Variants in FASN observed in about 807,000 individuals in gnomAD.
FASN encodes fatty acid synthase.
A neutral mutation model predicts 250.0 loss-of-function variants in FASN; 50 were observed. That is an observed-to-expected ratio of 0.20 (90% CI 0.16 to 0.25). The LOEUF (loss-of-function observed/expected upper bound fraction) is 0.25, where lower values mean the gene tolerates loss of function less well. Ranked by LOEUF, FASN falls within the 10% of genes least tolerant of loss-of-function variation. The probability of loss-of-function intolerance (pLI) is 1.00; values close to 1 mark genes in which losing one functional copy is unlikely to be tolerated. For synonymous variants in FASN, 1,909 were observed against 1,584.0 expected (o/e 1.21, Z -4.87); for missense variants, 3,031 against 3,498.5 (o/e 0.87, Z 3.37).
rs1568111586 is a variant in FASN at position 82,087,461 on chromosome 17, G to A, written c.3087C>T (p.Phe1029=). The change falls in exon 20 of 43, where the codon TTC becomes TTT. Residue 1029 remains phenylalanine, a synonymous_variant. Coordinates refer to ENST00000306749, the MANE Select transcript of FASN (RefSeq NM_004104.5). ...RLLWKDNWVS[F]MDTMLQMSIL... ...TGGACATCTGCAGCATGGTGTCCAT[G>A]AAGCTCACCCAGTTATCCTTCCACA... 1.9e-6 allele frequency: 3 copies of A among 1,612,684 alleles called. No individual in the cohort carries two copies. Among genetic ancestry groups the A allele is most frequent in the Non-Finnish European group, 2.5e-6 (3 of 1,180,014 alleles).
chr17:82,087,236 T>C lies in FASN; in HGVS notation c.3241A>G (p.Ser1081Gly), dbSNP rs1568111313. ...GCCACTGTGACCCTCAGCCACCTGC[T>C]CACCACCACGTCAGCCACTGTGGGG... ...DKAQVADVVVSRWLRVTVAGG... is the reference protein window; with the variant it reads ...DKAQVADVVVGRWLRVTVAGG... The change falls in exon 21 of 43, where the codon AGC (serine) becomes GGC (glycine). Residue 1081 changes from serine (S) to glycine (G), a missense_variant. Transcript: ENST00000306749. 1.2e-6 allele frequency: 2 copies of C among 1,606,484 alleles called. No individual in the cohort carries two copies. Among genetic ancestry groups the C allele is most frequent in the East Asian group, 2.2e-5 (1 of 44,610 alleles).
At position 82,082,158 on chromosome 17, in the gene FASN, A is replaced by G. The variant is rs2228306; in HGVS notation, c.6014T>C (p.Val2005Ala). 8.9e-3 allele frequency: 14,214 copies of G among 1,602,730 alleles called. 366 individuals are homozygous for G. Among genetic ancestry groups the G allele is most frequent in the African/African-American group, 0.071 (5,316 of 74,994 alleles). Residue 2005 changes from valine to alanine, a missense_variant and splice_region_variant, in exon 36 of 43, where the codon GTG becomes GCG. Val to Ala is a moderately conservative substitution (Grantham distance 64). Transcript: ENST00000306749. ...KYSGTLNLDR[V>A]TREACPELDY... ...CAGCTCAGGGCACGCCTCTCGGGTC[A>G]CCCTGTGGGCACGCGTGTCACTCCC... is the stretch of plus-strand genomic sequence containing the variant.
chr17:82,089,824 C>T (rs1271179272), intron 11 of FASN, 98 bp from the exon 12 acceptor site: 4 of 1,076,138 alleles, frequency 3.7e-6, no homozygotes, highest in African/African-American at 3.1e-5. Flanking sequence ...GCAGTAATGA[C>T]AAGTGTGGTA....
chr17:82,094,811 TA>T (rs2034276150), intron 3 of FASN, among the ~76,000 whole-genome samples: 1 of 149,110 alleles, frequency 6.7e-6, no homozygotes, highest in Non-Finnish European at 1.5e-5. Flanking sequence ...TAAATAAAAA[TA>T]AAAATAAAAA....
intron 11 of FASN, 45 bp from the exon 12 acceptor site, chr17:82,089,771 G>C: frequency 5.3e-6 from 8 of 1,510,640 alleles, no homozygotes; most frequent in Non-Finnish European, 7.2e-6. Context: ...ACACCGAGCC[G>C]CTCCCAGCCA....
chr17:82,090,835 G>A, intron 10 of FASN, 47 bp downstream of exon 10: 5 of 1,548,248 alleles, frequency 3.2e-6, no homozygotes, highest in Non-Finnish European at 3.5e-6. Flanking sequence ...GGGAAAGCCA[G>A]AGCCCTGGGG....
Position 82,092,544 on chromosome 17 carries a change from C to T in FASN, c.940G>A (p.Ala314Thr), listed in dbSNP as rs199604315. 1,910 of 1,605,146 alleles carry T rather than the reference C, an allele frequency of 1.2e-3. 2 individuals carry two copies. The highest frequency in any genetic ancestry group is 2.7e-3 in the Middle Eastern group (16 of 6,032). Residue 314 changes from alanine to threonine, a missense_variant, in exon 8 of 43, where the codon GCC becomes ACC. Coordinates refer to ENST00000306749, the MANE Select transcript of FASN (RefSeq NM_004104.5). ...ATGAGCAGCGGCTCCTGGCGGGTGG[C>T]GCACAGGGCTCGGGTGATGCCATTC... is the stretch of plus-strand genomic sequence containing the variant. ...ELNGITRALC[A>T]TRQEPLLIGS...
At position 82,083,747 on chromosome 17, in the gene FASN, GGTGGGGGCT is replaced by G. The variant is rs760726858; in HGVS notation, c.5218+16_5218+24del. 29 of 1,611,082 alleles carry G rather than the reference GGTGGGGGCT, an allele frequency of 1.8e-5. 1 individual carries two copies. The highest frequency in any genetic ancestry group is 7.7e-5 in the South Asian group (7 of 90,676). On this transcript the variant is annotated intron_variant, in intron 30 of 42. Coordinates refer to ENST00000306749, the MANE Select transcript of FASN (RefSeq NM_004104.5). Reference sequence around the variant, plus strand: ...TGGGCCGGAGGCTAGGCAGGAGGCAGGTGGGGGCTGTGGGGGCCACTCACCCTTCCCGCC... The same window carrying G: ...TGGGCCGGAGGCTAGGCAGGAGGCAGGTGGGGGCCACTCACCCTTCCCGCC...
rs769902886 is a variant in FASN at position 82,079,429 on chromosome 17, G to A, written c.7326C>T (p.Asn2442=). 2.9e-5 allele frequency: 47 copies of A among 1,612,932 alleles called. No individual in the cohort carries two copies. The highest frequency in any genetic ancestry group is 1.0e-4 in the Admixed American group (6 of 60,006). The change falls in exon 42 of 43, where the codon AAC becomes AAT. Residue 2442 remains asparagine, a synonymous_variant. Coordinates refer to ENST00000306749, the MANE Select transcript of FASN (RefSeq NM_004104.5). The part of the protein sequence containing the change: ...QYTPKAKYHG[N]VMLLRAKTGG... ...CCGTCTTGGCGCGCAGTAGCATCAC[G>A]TTGCCATGGTACTTGGCCTTGGGTG...
chr17:82,086,410 C>A lies in FASN; in HGVS notation c.3576G>T (p.Gly1192=), dbSNP rs1474059937. ...LSAACRLQLN[G]NLQLELAQVL... ...CCTGCGCCAGCTCCAGCTGCAGGTT[C>A]CCGTTGAGCTGAAGCCTGCAGGCAG... Residue 1192 remains glycine, a synonymous_variant, in exon 22 of 43, where the codon GGG becomes GGT. Transcript: ENST00000306749. The A allele has an allele frequency of 6.2e-7, 1 of 1,611,204 alleles. No homozygotes were observed. The highest frequency in any genetic ancestry group is 1.7e-5 in the Admixed American group (1 of 60,006).
intron 5 of FASN, 41 bp downstream of exon 5, chr17:82,093,178 C>T: frequency 1.9e-6 from 3 of 1,544,954 alleles, no homozygotes; most frequent in Non-Finnish European, 2.6e-6. Context: ...CCGTCCTGTG[C>T]CACTGTCCCG....
chr17:82,096,503 C>T lies in FASN; in HGVS notation c.-7-51G>A, dbSNP rs528730364. ...CCACACATCCCGGCCACGACACCCC[C>T]GTCAACAGCCTCGGCACCCAGAACA... is the stretch of plus-strand genomic sequence containing the variant. On this transcript the variant is annotated intron_variant, in intron 1 of 42. Coordinates refer to ENST00000306749, the MANE Select transcript of FASN (RefSeq NM_004104.5). 1.2e-4 allele frequency: 190 copies of T among 1,602,396 alleles called. 2 individuals are homozygous for T. Among genetic ancestry groups the T allele is most frequent in the Non-Finnish European group, 1.4e-4 (167 of 1,179,478 alleles).
intron 40 of FASN, 35 bp from the exon 41 acceptor site, chr17:82,080,273 G>A: frequency 6.2e-7 from 1 of 1,612,092 alleles, no homozygotes; most frequent in Non-Finnish European, 8.5e-7. Flanking sequence ...GCAGATGGAA[G>A]GGGCGGGGCC....
At chr17:82,086,233 G>C (rs779917782) in intron 22 of FASN, 21 bp downstream of exon 22, 28 of 1,545,564 alleles carry the variant, frequency 1.8e-5, no homozygotes, top group Non-Finnish European at 2.3e-5. Flanking sequence ...GCAGAGGCCT[G>C]GCTGCCCAGG....
chr17:82,081,365 C>G lies in FASN; in HGVS notation c.6407-13G>C. The G allele has an allele frequency of 1.3e-6, 2 of 1,557,712 alleles. No homozygotes were observed. The highest frequency in any genetic ancestry group is 8.7e-7 in the Non-Finnish European group (1 of 1,152,568). Reference sequence around the variant, plus strand: ...AAGTCGCGGATGCCTGGAAGGGATGCGCCGGGTCGGCAACTCCAGAGGGGG... The same window carrying G: ...AAGTCGCGGATGCCTGGAAGGGATGGGCCGGGTCGGCAACTCCAGAGGGGG... On this transcript the variant is annotated splice_polypyrimidine_tract_variant and intron_variant, in intron 37 of 42. Transcript: ENST00000306749.
Position 82,085,812 on chromosome 17 carries a change from G to A in FASN, c.3792C>T (p.Pro1264=), listed in dbSNP as rs747543358. 4 of 1,561,862 alleles carry A rather than the reference G, an allele frequency of 2.6e-6. No homozygotes were observed. The South Asian group carries it at 3.5e-5, about 14-fold the overall frequency. The stretch of plus-strand genomic sequence containing the variant: ...TGGCCGTGTAGCTCAGCTGCAGCAG[G>A]GGATGGGGGCTGAGCAGGCCTGGGA... The part of the protein sequence containing the change: ...SRIPGLLSPH[P]LLQLSYTATD... The change falls in exon 23 of 43, where the codon CCC becomes CCT. Residue 1264 remains proline (P), a synonymous_variant. Transcript: ENST00000306749.
In FASN at chr17:82,092,984, C is replaced by T. The variant is rs200927634; in HGVS notation, c.691G>A (p.Val231Ile). The T allele has an allele frequency of 3.3e-5, 53 of 1,612,230 alleles. No homozygotes were observed. Among genetic ancestry groups the T allele is most frequent in the African/African-American group, 9.3e-5 (7 of 75,036 alleles). The change falls in exon 6 of 43, where the codon GTC becomes ATC. Residue 231 changes from valine (V) to isoleucine (I), a missense_variant. Coordinates refer to ENST00000306749, the MANE Select transcript of FASN (RefSeq NM_004104.5). Reference sequence around the variant, plus strand: ...GCCAGGGACTTCTTGGTCAGCAGGACGGCCACCACACCCTCCGAGCGGCAG... The same window carrying T: ...GCCAGGGACTTCTTGGTCAGCAGGATGGCCACCACACCCTCCGAGCGGCAG... The part of the protein sequence containing the change: ...GYCRSEGVVA[V>I]LLTKKSLARR...
rs1372863794 is a variant in FASN, at chr17:82,092,779, T to C, written c.812A>G (p.Gln271Arg). 2 of 1,604,518 alleles carry C rather than the reference T, an allele frequency of 1.2e-6. No homozygotes were observed. Among genetic ancestry groups the C allele is most frequent in the Admixed American group, 1.7e-5 (1 of 59,346 alleles). ...CGACTGGTACAACGAGCGGATGAGC[T>C]GCTCCTGGATATCCCCTGAGGGGAA... ...VTFPSGDIQEQLIRSLYQSAG... is the reference protein window; with the variant it reads ...VTFPSGDIQERLIRSLYQSAG... Residue 271 changes from glutamine to arginine, a missense_variant, in exon 7 of 43, where the codon CAG becomes CGG. Coordinates refer to ENST00000306749, the MANE Select transcript of FASN (RefSeq NM_004104.5).
intron 38 of FASN, 35 bp downstream of exon 38, chr17:82,081,129 G>A (rs753110231): frequency 4.5e-6 from 7 of 1,550,150 alleles, no homozygotes; most frequent in Non-Finnish European, 5.2e-6. Flanking sequence ...GGGGAGGCCC[G>A]GGGACCCCAC....
Sources: allele counts gnomAD v4.1 joint callset (sites outside exome capture counted in the v4.1 genomes callset), GRCh38; gene constraint gnomAD v4.1.1; transcripts MANE v1.5; gene names NCBI Gene and HGNC (gene_info 2026-07-23, HGNC 2026-07-21).